The following MAGI1 variants were observed in gnomAD, a reference collection of about 807,000 sequenced individuals.
The protein encoded by MAGI1 is membrane associated guanylate kinase, WW and PDZ domain containing 1.
In MAGI1, 58 loss-of-function variants were observed where a neutral mutation model predicts 139.9. The observed-to-expected ratio is 0.41, with a 90% confidence interval of 0.34 to 0.52. The LOEUF (loss-of-function observed/expected upper bound fraction) is 0.52. Ranked by LOEUF, MAGI1 falls within the 20% of genes least tolerant of loss-of-function variation. The pLI is 0.12. For missense variants in MAGI1, 1,874 were observed against 1,901.6 expected (o/e 0.99, Z 0.27); for synonymous variants, 812 against 737.9 (o/e 1.10, Z -1.63).
intron 2 of MAGI1, among the ~76,000 whole-genome samples, chr3:65,587,397 C>G (rs957325263): frequency 6.6e-6 from 1 of 151,680 alleles, no homozygotes; most frequent in Non-Finnish European, 1.5e-5. Flanking sequence ...AAAAACAGAA[C>G]AGTTGTGTGG....
chr3:65,466,869 T>C (rs1388683974), intron 5 of MAGI1, among the ~76,000 whole-genome samples: 2 of 152,220 alleles, frequency 1.3e-5, no homozygotes, highest in African/African-American at 4.8e-5. Flanking sequence ...CCTGTCAAGC[T>C]TCTACCCTTG....
chr3:65,679,167 A>C (rs75321965), intron 1 of MAGI1, among the ~76,000 whole-genome samples: 2,882 of 152,236 alleles, frequency 0.019, 57 homozygotes, highest in Non-Finnish European at 0.028. Flanking sequence ...TCAAAAAAAA[A>C]CAAAATAAAA....
chr3:65,839,997 T>C (rs963219516), intron 1 of MAGI1, among the ~76,000 whole-genome samples: 4 of 152,254 alleles, frequency 2.6e-5, no homozygotes, highest in African/African-American at 4.8e-5. Context: ...GTTAGAGTTA[T>C]ACCTAAGTAT....
chr3:65,752,478 A>T (rs1252873864), intron 1 of MAGI1, among the ~76,000 whole-genome samples: 1 of 152,260 alleles, frequency 6.6e-6, no homozygotes, highest in Non-Finnish European at 1.5e-5. Flanking sequence ...TGACATAATT[A>T]ATCCAAAATG....
chr3:65,438,864 A>G (rs1258698333), intron 9 of MAGI1, among the ~76,000 whole-genome samples: 1 of 152,226 alleles, frequency 6.6e-6, no homozygotes, highest in African/African-American at 2.4e-5. Context: ...GCATACTACA[A>G]TGGCTGAGGT....
chr3:65,717,756 T>C (rs1576864426), intron 1 of MAGI1, among the ~76,000 whole-genome samples: 3 of 152,310 alleles, frequency 2.0e-5, no homozygotes, highest in African/African-American at 7.2e-5. Flanking sequence ...GAGTTGATTC[T>C]GATTGGTCCA....
rs145551473 is a variant in MAGI1, at chr3:65,750,719, C to T, written c.314-128631G>A. On this transcript the variant is annotated intron_variant, in intron 1 of 22. Coordinates refer to ENST00000402939, the MANE Select transcript of MAGI1 (RefSeq NM_001033057.2). ...TCTATAACATTAGAATCTCGGGTTT[C>T]ATGAATGTGTATTTTTTACAAGTTC... Among the ~76,000 whole-genome samples, 7 of 152,278 alleles carry T rather than the reference C, an allele frequency of 4.6e-5. No individual in the cohort carries two copies. In the East Asian group the frequency reaches 1.4e-3, roughly 29 times the overall value.
At chr3:65,839,336 G>A (rs531132518) in intron 1 of MAGI1, among the ~76,000 whole-genome samples, 6 of 152,150 alleles carry the variant, frequency 3.9e-5, no homozygotes, top group Admixed American at 6.5e-5. Context: ...TGATAATTAC[G>A]ATAAATGTTA....
At chr3:65,963,478 T>C (rs1329163676) in intron 1 of MAGI1, among the ~76,000 whole-genome samples, 1 of 152,060 alleles carries the variant, frequency 6.6e-6, no homozygotes, top group African/African-American at 2.4e-5. Flanking sequence ...TCGCTGGGCA[T>C]GGTGTCATGC....
At chr3:65,847,759 G>C (rs1225457982) in intron 1 of MAGI1, among the ~76,000 whole-genome samples, 5 of 152,164 alleles carry the variant, frequency 3.3e-5, no homozygotes, top group Non-Finnish European at 7.3e-5. Flanking sequence ...ATGTGCTTTT[G>C]ATGATGAAAT....
chr3:65,664,030 T>C (rs577399721), intron 1 of MAGI1, among the ~76,000 whole-genome samples: 2 of 152,234 alleles, frequency 1.3e-5, no homozygotes, highest in South Asian at 2.1e-4. Flanking sequence ...ATGTTCATTA[T>C]GAAACATATA....
chr3:65,812,466 T>TCACACACACACA (rs1432887484), intron 1 of MAGI1, among the ~76,000 whole-genome samples: 5 of 87,754 alleles, frequency 5.7e-5, no homozygotes, highest in African/African-American at 1.8e-4. Flanking sequence ...TCTCTCTCTC[T>TCACACACACACA]CTCACACACA....
chr3:65,711,421 A>T (rs773542972), intron 1 of MAGI1, among the ~76,000 whole-genome samples: 2 of 152,194 alleles, frequency 1.3e-5, no homozygotes, highest in Admixed American at 6.5e-5. Context: ...AAAAACAGAT[A>T]ATTCAAAACT....
chr3:65,569,251 G>T, intron 2 of MAGI1, among the ~76,000 whole-genome samples: 1 of 152,294 alleles, frequency 6.6e-6, no homozygotes, highest in South Asian at 2.1e-4. Context: ...GAGACAGAAA[G>T]GAGAATTGTG....
intron 1 of MAGI1, among the ~76,000 whole-genome samples, chr3:65,967,915 C>G (rs900438067): frequency 6.6e-6 from 1 of 152,106 alleles, no homozygotes; most frequent in African/African-American, 2.4e-5. Flanking sequence ...GAGTCTGCAG[C>G]GGTAATGCCC....
chr3:65,471,963 G>C (rs1266292772), intron 4 of MAGI1, among the ~76,000 whole-genome samples: 2 of 152,126 alleles, frequency 1.3e-5, no homozygotes, highest in African/African-American at 4.8e-5. Flanking sequence ...GAAAGATGAA[G>C]AAAGTCATCT....
At chr3:65,462,299 G>C (rs1949853174) in intron 5 of MAGI1, among the ~76,000 whole-genome samples, 1 of 152,120 alleles carries the variant, frequency 6.6e-6, no homozygotes, top group Non-Finnish European at 1.5e-5. Flanking sequence ...TTTTGTATAA[G>C]GTGTAAGTAA....
intron 1 of MAGI1, chr3:65,688,455 A>C (rs1441094090): frequency 2.1e-6 from 1 of 481,580 alleles, no homozygotes; most frequent in Non-Finnish European, 4.1e-6. Flanking sequence ...GAAAGCATGG[A>C]AACTCAAAAG....
chr3:65,979,356 TAAA>T (rs2065448312), intron 1 of MAGI1, among the ~76,000 whole-genome samples: 1 of 152,170 alleles, frequency 6.6e-6, no homozygotes, highest in Admixed American at 6.5e-5. Flanking sequence ...TTCTCGCAGT[TAAA>T]TTCCGTTTCC....
Sources: allele counts gnomAD v4.1 joint callset (sites outside exome capture counted in the v4.1 genomes callset), GRCh38; gene constraint gnomAD v4.1.1; transcripts MANE v1.5; gene names NCBI Gene and HGNC (gene_info 2026-07-23, HGNC 2026-07-21).